CDH18: variants seen among roughly 807,000 people sequenced by gnomAD.
CDH18 encodes the protein cadherin 18.
CDH18 carries 31 observed loss-of-function variants against 67.9 expected under a neutral mutation model. The observed-to-expected ratio is 0.46, with a 90% CI of 0.34 to 0.62. CDH18 has a LOEUF of 0.62. CDH18 is among the 20% of genes least tolerant of loss of function. The pLI is 0.01. For missense variants in CDH18, 890 were observed against 975.5 expected (o/e 0.91, Z 1.17); for synonymous variants, 362 against 347.2 (o/e 1.04, Z -0.48).
At chr5:20,500,506 T>C (rs370886043) in intron 1 of CDH18, among the ~76,000 whole-genome samples, 71 of 152,284 alleles carry the variant, frequency 4.7e-4, no homozygotes, top group African/African-American at 1.7e-3. Flanking sequence ...TCTAAATTAT[T>C]GTGAACATCT....
At chr5:19,897,624 C>G (rs143942731) in intron 2 of CDH18, among the ~76,000 whole-genome samples, 1 of 151,820 alleles carries the variant, frequency 6.6e-6, no homozygotes, top group Non-Finnish European at 1.5e-5. Context: ...ACACGTATAC[C>G]TAGAGCAACA....
At chr5:19,491,171 A>G (rs533829858) in intron 11 of CDH18, among the ~76,000 whole-genome samples, 5 of 152,328 alleles carry the variant, frequency 3.3e-5, no homozygotes, top group African/African-American at 1.2e-4. Flanking sequence ...GAGCCACTGT[A>G]GAATAAAATC....
At chr5:19,622,321 G>A (rs115409954) in intron 5 of CDH18, among the ~76,000 whole-genome samples, 149 of 152,254 alleles carry the variant, frequency 9.8e-4, no homozygotes, top group African/African-American at 3.5e-3. Context: ...AGTGAGAACT[G>A]GAAAAATAAG....
chr5:20,078,524 A>G (rs1045334306), intron 2 of CDH18, among the ~76,000 whole-genome samples: 1 of 152,098 alleles, frequency 6.6e-6, no homozygotes, highest in Non-Finnish European at 1.5e-5. Context: ...ACTTAAGGGA[A>G]AACAGATTAT....
intron 8 of CDH18, among the ~76,000 whole-genome samples, chr5:19,551,597 G>C (rs399500): frequency 0.099 from 15,100 of 152,154 alleles, 1,040 homozygotes; most frequent in African/African-American, 0.19. Context: ...AGGGTTAAAT[G>C]ATAGGCCTTC....
At chr5:20,445,811 G>A (rs990432032) in intron 1 of CDH18, among the ~76,000 whole-genome samples, 1 of 152,166 alleles carries the variant, frequency 6.6e-6, no homozygotes, top group Non-Finnish European at 1.5e-5. Context: ...GTGATGGTAA[G>A]CAAAGTATTG....
At chr5:20,172,210 A>ATATG in intron 2 of CDH18, among the ~76,000 whole-genome samples, 1 of 67,458 alleles carries the variant, frequency 1.5e-5, no homozygotes, top group South Asian at 5.1e-4. Flanking sequence ...ATATATATAT[A>ATATG]TATATATATA....
At chr5:19,484,644 C>T (rs867479583) in intron 11 of CDH18, among the ~76,000 whole-genome samples, 8 of 152,178 alleles carry the variant, frequency 5.3e-5, no homozygotes, top group Non-Finnish European at 7.3e-5. Context: ...AGGTTACAAA[C>T]GTTGGGCCAT....
chr5:20,231,626 G>T (rs539923332), intron 2 of CDH18, among the ~76,000 whole-genome samples: 33 of 151,336 alleles, frequency 2.2e-4, no homozygotes, highest in African/African-American at 7.8e-4. Context: ...GAAAAGAAAA[G>T]AAAAGAAAGG....
chr5:19,734,651 A>C lies in CDH18; in HGVS notation c.523+12291T>G, dbSNP rs571024655. Among the ~76,000 whole-genome samples the C allele has an allele frequency of 1.2e-4, 18 of 152,288 alleles. No individual in the cohort carries two copies. The East Asian group carries it at 3.5e-3, about 29-fold the overall frequency. ...ATTTACAAGGACTTTCTTGGACAAG[A>C]TAATGTTCTCCTTTAATGTTTAGGG... On this transcript the variant is annotated intron_variant, in intron 4 of 12. Transcript: ENST00000382275.
chr5:19,796,593 G>A (rs1423891389), intron 3 of CDH18, among the ~76,000 whole-genome samples: 1 of 152,036 alleles, frequency 6.6e-6, no homozygotes, highest in Non-Finnish European at 1.5e-5. Flanking sequence ...TCTTCAAATA[G>A]AAAGGAAATG....
intron 3 of CDH18, among the ~76,000 whole-genome samples, chr5:19,769,553 C>T (rs564074786): frequency 7.9e-5 from 12 of 152,126 alleles, no homozygotes; most frequent in African/African-American, 2.6e-4. Context: ...AAAGACAGTT[C>T]TATAGGCTGA....
At chr5:19,687,958 G>A (rs899989367) in intron 5 of CDH18, among the ~76,000 whole-genome samples, 3 of 152,246 alleles carry the variant, frequency 2.0e-5, no homozygotes, top group African/African-American at 2.4e-5. Context: ...CACTTGTGCA[G>A]TACCAAAACA....
At chr5:19,716,953 A>T (rs1428587700) in intron 5 of CDH18, among the ~76,000 whole-genome samples, 1 of 152,126 alleles carries the variant, frequency 6.6e-6, no homozygotes, top group African/African-American at 2.4e-5. Context: ...AAATTAAAAA[A>T]TGGCTTAGTA....
intron 5 of CDH18, among the ~76,000 whole-genome samples, chr5:19,681,458 T>C (rs1226747849): frequency 6.6e-6 from 1 of 152,060 alleles, no homozygotes; most frequent in Non-Finnish European, 1.5e-5. Context: ...CTTTATTTAT[T>C]ATTTATTTTA....
At chr5:19,694,512 T>C (rs1762295262) in intron 5 of CDH18, among the ~76,000 whole-genome samples, 1 of 152,176 alleles carries the variant, frequency 6.6e-6, no homozygotes, top group African/African-American at 2.4e-5. Context: ...GAAGCTTTAA[T>C]TAAGGCTAAC....
At chr5:20,387,059 G>A (rs1268111364) in intron 1 of CDH18, among the ~76,000 whole-genome samples, 6 of 152,054 alleles carry the variant, frequency 3.9e-5, no homozygotes, top group South Asian at 2.1e-4. Context: ...TAAAGGACCC[G>A]AGAGTAAATA....
At chr5:20,309,969 T>C (rs866077371) in intron 1 of CDH18, among the ~76,000 whole-genome samples, 53 of 151,184 alleles carry the variant, frequency 3.5e-4, no homozygotes, top group African/African-American at 1.1e-3. Context: ...TATCCCTTTA[T>C]TAAACACATA....
At chr5:20,426,471 T>C (rs947415817) in intron 1 of CDH18, among the ~76,000 whole-genome samples, 2 of 151,114 alleles carry the variant, frequency 1.3e-5, no homozygotes, top group Non-Finnish European at 2.9e-5. Context: ...TTAATATTAT[T>C]TTTCTCAACA....
Sources: allele counts gnomAD v4.1 joint callset (sites outside exome capture counted in the v4.1 genomes callset), GRCh38; gene constraint gnomAD v4.1.1; transcripts MANE v1.5; gene names NCBI Gene and HGNC (gene_info 2026-07-23, HGNC 2026-07-21).